The following HSD17B8 variants were observed in gnomAD, a reference collection of about 807,000 sequenced individuals.
HSD17B8 encodes the protein (3R)-3-hydroxyacyl-CoA dehydrogenase.
Under a neutral mutation model 33.2 loss-of-function variants are expected in HSD17B8, and 23 were observed. The ratio of observed to expected loss-of-function variants is 0.69; its 90% confidence interval spans 0.50 to 0.98. The LOEUF is 0.98. HSD17B8 is among the 50% of genes least tolerant of loss of function. The pLI is 0.00. For synonymous variants in HSD17B8, 137 were observed against 138.6 expected, an observed-to-expected ratio of 0.99 and a Z score of 0.08; for missense variants, 345 against 347.5, an observed-to-expected ratio of 0.99 and a Z score of 0.06.
chr6:33,204,955 G>A lies in HSD17B8; in HGVS notation c.106G>A (p.Ala36Thr), dbSNP rs1774925910. The change falls in exon 2 of 9, where the codon GCC becomes ACC. Residue 36 changes from alanine (A) to threonine (T), a missense_variant. Physicochemically the swap from Ala to Thr is moderately conservative, Grantham distance 58. Transcript: ENST00000374662. Reference protein sequence around the residue: ...AVSVRLAGEGATVAACDLDRA... With the variant: ...AVSVRLAGEGTTVAACDLDRA... Reference sequence around the variant, plus strand: ...CAGTGTACGCCTGGCCGGAGAGGGGGCCACCGTAGCTGCCTGCGACCTGGA... The same window carrying A: ...CAGTGTACGCCTGGCCGGAGAGGGGACCACCGTAGCTGCCTGCGACCTGGA... 2 of 1,463,822 alleles carry A rather than the reference G, an allele frequency of 1.4e-6. No homozygotes were observed. Among genetic ancestry groups the A allele is most frequent in the South Asian group, 1.4e-5 (1 of 69,818 alleles). The allele number at this position is 1,463,822 out of a possible 1,614,324, so 90.7% of individuals were successfully genotyped here.
Position 33,206,233 on chromosome 6 carries a change from A to G in HSD17B8, c.694+57A>G. 4 of 1,592,732 alleles carry G rather than the reference A, an allele frequency of 2.5e-6. No homozygotes were observed. Among genetic ancestry groups the G allele is most frequent in the Non-Finnish European group, 3.4e-6 (4 of 1,163,098 alleles). On this transcript the variant is annotated intron_variant, in intron 7 of 8. Transcript: ENST00000374662. The surrounding 1 kb of genome is among the most constrained non-coding windows in gnomAD (Gnocchi z 6.2). ...AGGGGGCCTGAATGAAGAGATCCCC[A>G]AAGTTTGGGGATTTTCTAGGGGACT...
At position 33,205,451 on chromosome 6, in the gene HSD17B8, C is replaced by G; in HGVS notation, c.392C>G (p.Thr131Ser). The stretch of plus-strand genomic sequence containing the variant: ...CTTGTTACCCTTTCCCGCCAGGGCA[C>G]CTTCCTAGTCACTCAGGCTGCAGCA... ...DKVIAVNLKGTFLVTQAAAQA... is the reference protein window; with the variant it reads ...DKVIAVNLKGSFLVTQAAAQA... The change falls in exon 4 of 9, where the codon ACC (threonine) becomes AGC (serine). Residue 131 changes from threonine to serine, a missense_variant. Physicochemically the swap from Thr to Ser is moderately conservative, Grantham distance 58. Transcript: ENST00000374662. This position sits in a 1 kb window ranked among gnomAD's most constrained non-coding sequence, Gnocchi z 5.0. The G allele has an allele frequency of 6.2e-7, 1 of 1,613,168 alleles. No individual in the cohort carries two copies. Among genetic ancestry groups the G allele is most frequent in the Non-Finnish European group, 8.5e-7 (1 of 1,179,992 alleles).
In HSD17B8 at chr6:33,204,777, G is replaced by T. The variant is rs1774908916; in HGVS notation, c.52+57G>T. ...GGTATTGGAGTGAGGTCAGGGGCGTGCCCTTGGAGTGCGCGGCCGCTGTGA... is the reference window on the plus strand; with the variant it reads ...GGTATTGGAGTGAGGTCAGGGGCGTTCCCTTGGAGTGCGCGGCCGCTGTGA... On this transcript the variant is annotated intron_variant, in intron 1 of 8. Coordinates refer to ENST00000374662, the MANE Select transcript of HSD17B8 (RefSeq NM_014234.5). The T allele has an allele frequency of 3.1e-6, 5 of 1,604,636 alleles. No individual in the cohort carries two copies. In the South Asian group the frequency reaches 5.5e-5, roughly 18 times the overall value.
rs756730982 is a variant in HSD17B8, at chr6:33,205,596, C to T, written c.481-44C>T. The T allele has an allele frequency of 5.0e-6, 8 of 1,611,250 alleles. No homozygotes were observed. In the Admixed American group the frequency reaches 1.2e-4, roughly 23 times the overall value. ...AAGTGGTATAGAGAGGAGAACCCCT[C>T]CTTGAGACTCCTGACTCATTCCACA... On this transcript the variant is annotated intron_variant, in intron 4 of 8. Coordinates refer to ENST00000374662, the MANE Select transcript of HSD17B8 (RefSeq NM_014234.5). This position sits in a 1 kb window ranked among gnomAD's most constrained non-coding sequence, Gnocchi z 5.0.
rs1180787047 is a variant in HSD17B8 at position 33,205,217 on chromosome 6, A to C, written c.271-4A>C. The C allele has an allele frequency of 2.5e-6, 4 of 1,612,654 alleles. No homozygotes were observed. Among genetic ancestry groups the C allele is most frequent in the Non-Finnish European group, 3.4e-6 (4 of 1,179,634 alleles). On this transcript the variant is annotated splice_polypyrimidine_tract_variant and splice_region_variant and intron_variant, in intron 2 of 8. Coordinates refer to ENST00000374662, the MANE Select transcript of HSD17B8 (RefSeq NM_014234.5). The surrounding 1 kb of genome is among the most constrained non-coding windows in gnomAD (Gnocchi z 5.0). Reference sequence around the variant, plus strand: ...TTTTGATGCGTAACCTCCCCCTCCCATAGGCCTGCTTTTCTCGCCCACCAT... The same window carrying C: ...TTTTGATGCGTAACCTCCCCCTCCCCTAGGCCTGCTTTTCTCGCCCACCAT...
In HSD17B8 at chr6:33,204,914, G is replaced by A; in HGVS notation, c.65G>A (p.Gly22Asp). 1 of 1,464,706 alleles carries A rather than the reference G, an allele frequency of 6.8e-7. No homozygotes were observed. 90.7% of individuals were successfully genotyped at this position (1,464,706 alleles called of 1,614,324 possible). A position where few individuals can be genotyped will look rare whatever the true frequency, so the allele number is the denominator to read the frequency against. Residue 22 changes from glycine (G) to aspartate (D), a missense_variant, in exon 2 of 9, where the codon GGC becomes GAC. Transcript: ENST00000374662. ...TGTCCTACCTCAGGTGCGGGGAGCG[G>A]CATCGGCCGAGCGGTCAGTGTACGC... ...ALALVTGAGS[G>D]IGRAVSVRLA...
rs3066410 is a variant in HSD17B8 at position 33,205,971 on chromosome 6, CAGAG to C, written c.651+83_651+86del. On this transcript the variant is annotated intron_variant, in intron 6 of 8. Transcript: ENST00000374662. The surrounding 1 kb of genome is among the most constrained non-coding windows in gnomAD (Gnocchi z 5.0). ...AGAGACTCAATCTCTCTGGGCTTCACAGAGAGAGAGAGAGAGAGAGAGAGAGAAT... is the reference window on the plus strand; with the variant it reads ...AGAGACTCAATCTCTCTGGGCTTCACAGAGAGAGAGAGAGAGAGAGAGAAT... 0.13 allele frequency: 143,884 copies of C among 1,083,662 alleles called. 3,027 individuals carry two copies. Among genetic ancestry groups the C allele is most frequent in the South Asian group, 0.18 (13,654 of 74,844 alleles). The allele number at this position is 1,083,662 out of a possible 1,614,324, so 67.1% of individuals were successfully genotyped here.
Position 33,204,702 on chromosome 6 carries a change from G to A in HSD17B8, c.34G>A (p.Ala12Thr). 2.5e-6 allele frequency: 4 copies of A among 1,600,982 alleles called. No individual in the cohort carries two copies. The highest frequency in any genetic ancestry group is 1.1e-5 in the South Asian group (1 of 90,922). Residue 12 changes from alanine (A) to threonine (T), a missense_variant, in exon 1 of 9, where the codon GCA becomes ACA. By Grantham distance (58) the Ala-to-Thr change is moderately conservative (BLOSUM62 0). Transcript: ENST00000374662. ...ASQLQNRLRS[A>T]LALVTGAGSG... Reference sequence around the variant, plus strand: ...TCAGCTCCAGAACCGACTCCGCTCCGCACTGGCCTTGGTCACAGGTTGAGG... The same window carrying A: ...TCAGCTCCAGAACCGACTCCGCTCCACACTGGCCTTGGTCACAGGTTGAGG...
chr6:33,206,136 T>G lies in HSD17B8; in HGVS notation c.654T>G (p.Ile218Met). The change falls in exon 7 of 9, where the codon ATT becomes ATG. Residue 218 changes from isoleucine (I) to methionine (M), a missense_variant and splice_region_variant. Transcript: ENST00000374662. The surrounding 1 kb of genome is among the most constrained non-coding windows in gnomAD (Gnocchi z 6.2). ...QKVPQKVVDK[I>M]TEMIPMGHLG... ...CCCACATGAGTATTTCCTTACAGATTACTGAAATGATCCCGATGGGACACT... is the reference window on the plus strand; with the variant it reads ...CCCACATGAGTATTTCCTTACAGATGACTGAAATGATCCCGATGGGACACT... 1 of 1,612,750 alleles carries G rather than the reference T, an allele frequency of 6.2e-7. No individual in the cohort carries two copies. Among genetic ancestry groups the G allele is most frequent in the Admixed American group, 1.7e-5 (1 of 59,978 alleles).
chr6:33,205,987 G>A lies in HSD17B8; in HGVS notation c.651+75G>A, dbSNP rs1775023782. 7.0e-7 allele frequency: 1 copy of A among 1,437,344 alleles called. No homozygotes were observed. 89.0% of individuals were successfully genotyped at this position (1,437,344 alleles called of 1,614,324 possible). ...TGGGCTTCACAGAGAGAGAGAGAGA[G>A]AGAGAGAGAGAATACTGGGCACAGT... On this transcript the variant is annotated intron_variant, in intron 6 of 8. Transcript: ENST00000374662. The surrounding 1 kb of genome is among the most constrained non-coding windows in gnomAD (Gnocchi z 5.0).
At position 33,205,725 on chromosome 6, in the gene HSD17B8, G is replaced by A. The variant is rs1226381763; in HGVS notation, c.566G>A (p.Arg189Gln). 1.5e-5 allele frequency: 24 copies of A among 1,612,926 alleles called. No individual in the cohort carries two copies. In the South Asian group the frequency reaches 1.6e-4, roughly 11 times the overall value. The change falls in exon 5 of 9, where the codon CGA (arginine) becomes CAA (glutamine). Residue 189 changes from arginine (R) to glutamine (Q), a missense_variant and splice_region_variant. By Grantham distance (43) the Arg-to-Gln change is conservative. Coordinates refer to ENST00000374662, the MANE Select transcript of HSD17B8 (RefSeq NM_014234.5). This position sits in a 1 kb window ranked among gnomAD's most constrained non-coding sequence, Gnocchi z 5.0. ...CAGACCGCAGCCCGGGAGCTTGGAC[G>A]GTTGGTCAGATGCTTGAGGGTGCTG... ...LTQTAARELGRHGIRCNSVLP... is the reference protein window; with the variant it reads ...LTQTAARELGQHGIRCNSVLP...
Position 33,206,184 on chromosome 6 carries a change from C to A in HSD17B8, c.694+8C>A, listed in dbSNP as rs1775049370. On this transcript the variant is annotated splice_region_variant and intron_variant, in intron 7 of 8. Coordinates refer to ENST00000374662, the MANE Select transcript of HSD17B8 (RefSeq NM_014234.5). This position sits in a 1 kb window ranked among gnomAD's most constrained non-coding sequence, Gnocchi z 6.2. Reference sequence around the variant, plus strand: ...ACTTGGGGGACCCTGAGGGTGAGCACTGAATGTAGTGGGGTCCCTGGGAAG... The same window carrying A: ...ACTTGGGGGACCCTGAGGGTGAGCAATGAATGTAGTGGGGTCCCTGGGAAG... 1 of 1,612,482 alleles carries A rather than the reference C, an allele frequency of 6.2e-7. No homozygotes were observed. Among genetic ancestry groups the A allele is most frequent in the Non-Finnish European group, 8.5e-7 (1 of 1,179,706 alleles).
Position 33,204,674 on chromosome 6 carries a change from G to C in HSD17B8, c.6G>C (p.Ala2=). 1 of 1,612,678 alleles carries C rather than the reference G, an allele frequency of 6.2e-7. No homozygotes were observed. Among genetic ancestry groups the C allele is most frequent in the South Asian group, 1.1e-5 (1 of 91,080 alleles). M[A]SQLQNRLRSA... Reference sequence around the variant, plus strand: ...CCACCCACCCACAGCCCGCCATGGCGTCTCAGCTCCAGAACCGACTCCGCT... The same window carrying C: ...CCACCCACCCACAGCCCGCCATGGCCTCTCAGCTCCAGAACCGACTCCGCT... Residue 2 remains alanine (A), a synonymous_variant, in exon 1 of 9, where the codon GCG becomes GCC. Transcript: ENST00000374662.
Position 33,206,354 on chromosome 6 carries a change from C to G in HSD17B8, c.695-21C>G. Reference sequence around the variant, plus strand: ...CTATGGGAGTGAGCAGAATTCTGCCCTCTCCCCACCATTCTCATAGATGTG... The same window carrying G: ...CTATGGGAGTGAGCAGAATTCTGCCGTCTCCCCACCATTCTCATAGATGTG... On this transcript the variant is annotated intron_variant, in intron 7 of 8. Coordinates refer to ENST00000374662, the MANE Select transcript of HSD17B8 (RefSeq NM_014234.5). This position sits in a 1 kb window ranked among gnomAD's most constrained non-coding sequence, Gnocchi z 6.2. The G allele has an allele frequency of 6.2e-7, 1 of 1,611,580 alleles. No individual in the cohort carries two copies. Among genetic ancestry groups the G allele is most frequent in the Middle Eastern group, 1.7e-4 (1 of 6,054 alleles).
Position 33,205,233 on chromosome 6 carries a change from C to G in HSD17B8, c.283C>G (p.Arg95Gly), listed in dbSNP as rs770507785. Residue 95 changes from arginine (R) to glycine (G), a missense_variant, in exon 3 of 9, where the codon CGC (arginine) becomes GGC (glycine). Physicochemically the swap from Arg to Gly is moderately radical, Grantham distance 125 (BLOSUM62 -2). Coordinates refer to ENST00000374662, the MANE Select transcript of HSD17B8 (RefSeq NM_014234.5). This position sits in a 1 kb window ranked among gnomAD's most constrained non-coding sequence, Gnocchi z 5.0. ...LLEQVQACFS[R>G]PPSVVVSCAG... ...CCCCCTCCCATAGGCCTGCTTTTCT[C>G]GCCCACCATCTGTCGTTGTGTCCTG... 1 of 1,613,232 alleles carries G rather than the reference C, an allele frequency of 6.2e-7. No individual in the cohort carries two copies. The highest frequency in any genetic ancestry group is 1.1e-5 in the South Asian group (1 of 91,088).
rs1177228240 is a variant in HSD17B8, at chr6:33,206,261, T to C, written c.694+85T>C. 8 of 1,553,248 alleles carry C rather than the reference T, an allele frequency of 5.2e-6. No homozygotes were observed. In the South Asian group the frequency reaches 8.9e-5, roughly 17 times the overall value. ...GTTTGGGGATTTTCTAGGGGACTGG[T>C]GGTTGGTGTCTGTGGAGAGGTTTGT... On this transcript the variant is annotated intron_variant, in intron 7 of 8. Coordinates refer to ENST00000374662, the MANE Select transcript of HSD17B8 (RefSeq NM_014234.5). The surrounding 1 kb of genome is among the most constrained non-coding windows in gnomAD (Gnocchi z 6.2).
At position 33,206,548 on chromosome 6, in the gene HSD17B8, G is replaced by A; in HGVS notation, c.770-90G>A. The A allele has an allele frequency of 1.3e-6, 2 of 1,562,050 alleles. No individual in the cohort carries two copies. On this transcript the variant is annotated intron_variant, in intron 8 of 8. Coordinates refer to ENST00000374662, the MANE Select transcript of HSD17B8 (RefSeq NM_014234.5). The surrounding 1 kb of genome is among the most constrained non-coding windows in gnomAD (Gnocchi z 6.2). ...GTCTGGAGCCACTGGGAAGGGCAGA[G>A]GTTCCCAAGGCCAGGGACAGAAGTG...
In HSD17B8 at chr6:33,204,997, G is replaced by A; in HGVS notation, c.148G>A (p.Glu50Lys). 1.3e-6 allele frequency: 2 copies of A among 1,498,440 alleles called. No homozygotes were observed. The highest frequency in any genetic ancestry group is 1.8e-6 in the Non-Finnish European group (2 of 1,129,674). The allele number at this position is 1,498,440 out of a possible 1,614,324, so 92.8% of individuals were successfully genotyped here. A position where few individuals can be genotyped will look rare whatever the true frequency, so the allele number is the denominator to read the frequency against. Residue 50 changes from glutamate (E) to lysine (K), a missense_variant, in exon 2 of 9, where the codon GAG becomes AAG. Transcript: ENST00000374662. ...CGACCTGGACCGGGCAGCGGCACAG[G>A]AGACGGTGCGGCTGCTGGGCGGGCC... is the stretch of plus-strand genomic sequence containing the variant. ...ACDLDRAAAQETVRLLGGPGS... is the reference protein window; with the variant it reads ...ACDLDRAAAQKTVRLLGGPGS...
rs1240427827 is a variant in HSD17B8, at chr6:33,205,449, C to T, written c.390C>T (p.Gly130=). 6.2e-7 allele frequency: 1 copy of T among 1,612,980 alleles called. No homozygotes were observed. Among genetic ancestry groups the T allele is most frequent in the Non-Finnish European group, 8.5e-7 (1 of 1,179,940 alleles). Residue 130 remains glycine, a splice_region_variant and synonymous_variant, in exon 4 of 9, where the codon GGC becomes GGT. Transcript: ENST00000374662. This position sits in a 1 kb window ranked among gnomAD's most constrained non-coding sequence, Gnocchi z 5.0. ...WDKVIAVNLK[G]TFLVTQAAAQ... The stretch of plus-strand genomic sequence containing the variant: ...CCCTTGTTACCCTTTCCCGCCAGGG[C>T]ACCTTCCTAGTCACTCAGGCTGCAG...
Sources: allele counts gnomAD v4.1 joint callset, GRCh38; gene constraint gnomAD v4.1.1; non-coding constraint Gnocchi (gnomAD v3.1); transcripts MANE v1.5; gene names NCBI Gene and HGNC (gene_info 2026-07-23, HGNC 2026-07-21).